The following GRIK2 variants were observed in gnomAD, a reference collection of about 807,000 sequenced individuals.
The protein encoded by GRIK2 is glutamate receptor ionotropic, kainate 2.
In GRIK2, 32 loss-of-function variants were observed where a neutral mutation model predicts 100.3. The observed-to-expected ratio is 0.32, with a 90% CI of 0.24 to 0.43. The LOEUF (loss-of-function observed/expected upper bound fraction) is 0.43, where lower values mean the gene tolerates loss of function less well. Among genes scored for constraint, GRIK2 ranks in the 20% least tolerant of loss-of-function variants. The pLI, the probability that GRIK2 is intolerant of heterozygous loss-of-function variation, is 1.00. For missense variants in GRIK2, 843 were observed against 1,114.9 expected (o/e 0.76, Z 3.47); for synonymous variants, 417 against 389.4 (o/e 1.07, Z -0.83).
chr6:102,048,360 G>T (rs1472447436), intron 15 of GRIK2, among the ~76,000 whole-genome samples: 1 of 151,286 alleles, frequency 6.6e-6, no homozygotes, highest in East Asian at 1.9e-4. Flanking sequence ...TAGACAAATG[G>T]GATTACATCA....
chr6:101,876,798 G>A (rs1357444883), intron 11 of GRIK2, among the ~76,000 whole-genome samples: 1 of 151,890 alleles, frequency 6.6e-6, no homozygotes, highest in Non-Finnish European at 1.5e-5. Flanking sequence ...ATCAGTCATT[G>A]TGTAAAGAAC....
intron 7 of GRIK2, among the ~76,000 whole-genome samples, chr6:101,707,182 G>T (rs73510682): frequency 0.21 from 31,785 of 151,350 alleles, 4,608 homozygotes; most frequent in African/African-American, 0.4. Flanking sequence ...TGGGCTTATA[G>T]ATGTTTGCAA....
intron 4 of GRIK2, among the ~76,000 whole-genome samples, chr6:101,633,453 G>A (rs1780862768): frequency 6.6e-6 from 1 of 151,952 alleles, no homozygotes; most frequent in Non-Finnish European, 1.5e-5. Context: ...AGGATAATAT[G>A]TGTCATACTT....
chr6:101,606,174 T>G (rs1309829187), intron 2 of GRIK2, among the ~76,000 whole-genome samples: 1 of 151,974 alleles, frequency 6.6e-6, no homozygotes, highest in Non-Finnish European at 1.5e-5. Context: ...GGTACATGAC[T>G]CAAACTGGGC....
chr6:101,760,038 T>C (rs1005944482), intron 7 of GRIK2, among the ~76,000 whole-genome samples: 1 of 135,478 alleles, frequency 7.4e-6, no homozygotes, highest in Non-Finnish European at 1.5e-5. Context: ...CCCGGCTAAT[T>C]TTTTGTATTT....
At chr6:101,872,401 A>G (rs1183509400) in intron 11 of GRIK2, among the ~76,000 whole-genome samples, 4 of 151,826 alleles carry the variant, frequency 2.6e-5, no homozygotes, top group African/African-American at 9.7e-5. Context: ...AGCAGCAGGG[A>G]AAAATGCTGA....
At chr6:101,752,533 T>G (rs532464275) in intron 7 of GRIK2, among the ~76,000 whole-genome samples, 2 of 152,330 alleles carry the variant, frequency 1.3e-5, no homozygotes, top group South Asian at 4.1e-4. Flanking sequence ...TTTTAAATTA[T>G]AAAACCCATT....
intron 2 of GRIK2, among the ~76,000 whole-genome samples, chr6:101,554,011 TG>T (rs1776627740): frequency 6.6e-6 from 1 of 152,172 alleles, no homozygotes; most frequent in African/African-American, 2.4e-5. Context: ...CTGCTAGATT[TG>T]GGTGGAATCT....
intron 16 of GRIK2, chr6:102,065,848 T>C (rs1348364905): frequency 3.3e-6 from 5 of 1,493,134 alleles, no homozygotes; most frequent in Non-Finnish European, 4.5e-6. Flanking sequence ...TATTTTGGAG[T>C]CAGTTTCCAT....
intron 12 of GRIK2, among the ~76,000 whole-genome samples, chr6:101,906,404 T>C (rs1474075496): frequency 1.5e-5 from 1 of 68,142 alleles, no homozygotes; most frequent in Non-Finnish European, 3.3e-5. Flanking sequence ...GTTTAAACCT[T>C]GGGATAAAGA....
intron 2 of GRIK2, among the ~76,000 whole-genome samples, chr6:101,418,701 G>A (rs977805642): frequency 1.3e-5 from 2 of 152,062 alleles, no homozygotes; most frequent in South Asian, 2.1e-4. Context: ...CCCTGTTATC[G>A]ATTACCCTGT....
At chr6:101,665,462 T>C (rs1769957047) in intron 4 of GRIK2, among the ~76,000 whole-genome samples, 1 of 152,202 alleles carries the variant, frequency 6.6e-6, no homozygotes, top group South Asian at 2.1e-4. Context: ...TTGAGTCAAA[T>C]CTAAAATTTT....
At chr6:101,749,803 CTTTTTTTT>C (rs989554915) in intron 7 of GRIK2, among the ~76,000 whole-genome samples, 4 of 92,550 alleles carry the variant, frequency 4.3e-5, no homozygotes, top group African/African-American at 1.3e-4. Flanking sequence ...GTGCCAGTTT[CTTTTTTTT>C]TTTTTTTTTT....
intron 5 of GRIK2, 127 bp downstream of exon 5, chr6:101,676,931 G>A: frequency 3.5e-6 from 2 of 568,842 alleles, no homozygotes; most frequent in Non-Finnish European, 3.0e-6. Context: ...TTTTATGATA[G>A]AAAGTCTGAC....
In GRIK2 at chr6:101,691,481, A is replaced by G. The variant is rs542483376; in HGVS notation, c.951+5128A>G. On this transcript the variant is annotated intron_variant, in intron 7 of 16. Coordinates refer to ENST00000369134, the MANE Select transcript of GRIK2 (RefSeq NM_021956.5). ...CCTGGCTAATTTTTGTATTTTTGCTAAAGATGGGTTTTCACCATGTTGGCC... is the reference window on the plus strand; with the variant it reads ...CCTGGCTAATTTTTGTATTTTTGCTGAAGATGGGTTTTCACCATGTTGGCC... 4.6e-5 allele frequency among the ~76,000 whole-genome samples: 7 copies of G among 152,062 alleles called. No homozygotes were observed. In the South Asian group the frequency reaches 1.5e-3, roughly 32 times the overall value.
chr6:101,625,620 T>C (rs1780394478), intron 3 of GRIK2, among the ~76,000 whole-genome samples: 1 of 152,116 alleles, frequency 6.6e-6, no homozygotes, highest in Non-Finnish European at 1.5e-5. Flanking sequence ...GTTCAGGTCA[T>C]GGCACAGTCT....
At chr6:101,700,752 G>A (rs1772836216) in intron 7 of GRIK2, among the ~76,000 whole-genome samples, 1 of 152,098 alleles carries the variant, frequency 6.6e-6, no homozygotes. Flanking sequence ...CTGCTTCCAG[G>A]AAGGCATATC....
intron 14 of GRIK2, among the ~76,000 whole-genome samples, chr6:102,007,833 A>C (rs917393805): frequency 2.0e-5 from 3 of 152,028 alleles, no homozygotes; most frequent in African/African-American, 7.2e-5. Context: ...AAATTATTGG[A>C]CATTTTATTG....
In GRIK2 at chr6:101,487,404, GT is replaced by G. The variant is rs1037795882; in HGVS notation, c.115+88013del. ...TCAGTACTACATTTTAAAACTGGAG[GT>G]AATATTAGTCCCATCTCCACCACAG... is the stretch of plus-strand genomic sequence containing the variant. On this transcript the variant is annotated intron_variant, in intron 2 of 16. Coordinates refer to ENST00000369134, the MANE Select transcript of GRIK2 (RefSeq NM_021956.5). Among the ~76,000 whole-genome samples the G allele has an allele frequency of 5.5e-5, 8 of 146,184 alleles. 1 individual carries two copies. The South Asian group carries it at 1.7e-3, about 32-fold the overall frequency.
Sources: gnomAD v4.1 joint callset for allele counts (sites outside exome capture counted in the v4.1 genomes callset) on GRCh38, gnomAD v4.1.1 for gene constraint, MANE v1.5 for transcripts, NCBI Gene and HGNC (gene_info 2026-07-23, HGNC 2026-07-21) for gene names.